The following PDE7A variants were observed in gnomAD, a reference collection of about 807,000 sequenced individuals.
PDE7A encodes the protein phosphodiesterase 7A.
In PDE7A, 39 loss-of-function variants were observed where a neutral mutation model predicts 64.3. That is an observed-to-expected ratio of 0.61 (90% CI 0.47 to 0.79). The LOEUF (loss-of-function observed/expected upper bound fraction) is 0.79. Among genes scored for constraint, PDE7A ranks in the 30% least tolerant of loss-of-function variants. The probability of loss-of-function intolerance (pLI) is 0.00; values close to 1 mark genes in which losing one functional copy is unlikely to be tolerated. For missense variants in PDE7A, 470 were observed against 582.8 expected (o/e 0.81, Z 1.99); for synonymous variants, 203 against 206.8 (o/e 0.98, Z 0.16).
chr8:65,763,010 TG>T (rs1808588173), intron 3 of PDE7A, among the ~76,000 whole-genome samples: 1 of 147,012 alleles, frequency 6.8e-6, no homozygotes, highest in Non-Finnish European at 1.5e-5. Flanking sequence ...TGTGTGTGTG[TG>T]TGTGTGTGTG....
chr8:65,764,573 A>C (rs1808674069), intron 3 of PDE7A, among the ~76,000 whole-genome samples: 1 of 152,234 alleles, frequency 6.6e-6, no homozygotes, highest in South Asian at 2.1e-4. Flanking sequence ...CTATTTGTAC[A>C]CCTAAAGAAA....
intron 1 of PDE7A, among the ~76,000 whole-genome samples, chr8:65,810,781 C>T (rs1810242015): frequency 6.6e-6 from 1 of 152,080 alleles, no homozygotes; most frequent in African/African-American, 2.4e-5. Context: ...AAGAAACAAT[C>T]ATTCCCAATA....
intron 7 of PDE7A, chr8:65,727,607 T>A (rs1376739547): frequency 4.4e-6 from 1 of 227,884 alleles, no homozygotes; most frequent in Non-Finnish European, 8.5e-6. Flanking sequence ...ACCGTTCTTT[T>A]TGAGAAATAA....
rs555278314 is a variant in PDE7A, at chr8:65,730,111, C to T, written c.697-2810G>A. 4.8e-5 allele frequency among the ~76,000 whole-genome samples: 7 copies of T among 146,428 alleles called. No individual in the cohort carries two copies. The South Asian group carries it at 1.1e-3, about 23-fold the overall frequency. On this transcript the variant is annotated intron_variant, in intron 7 of 12. Transcript: ENST00000401827. ...AGCTCTGCCTTGGAAGCAGTAGCTT[C>T]TCATAGGAGCACAAACCCTATTGTA...
intron 1 of PDE7A, among the ~76,000 whole-genome samples, chr8:65,832,939 C>T (rs183919941): frequency 2.0e-5 from 3 of 152,234 alleles, no homozygotes; most frequent in Admixed American, 2.0e-4. Context: ...GAAGAGAGTA[C>T]ACAGGCTTTA....
At chr8:65,836,573 G>A (rs7460955) in intron 1 of PDE7A, among the ~76,000 whole-genome samples, 3 of 152,098 alleles carry the variant, frequency 2.0e-5, no homozygotes, top group Admixed American at 2.0e-4. Flanking sequence ...CATGCATGAA[G>A]GTATTTATTA....
intron 3 of PDE7A, among the ~76,000 whole-genome samples, chr8:65,769,496 G>A (rs1304541755): frequency 1.3e-5 from 2 of 152,264 alleles, no homozygotes; most frequent in Non-Finnish European, 2.9e-5. Flanking sequence ...TCTATCTTGT[G>A]TAACCACGAA....
In PDE7A at chr8:65,745,558, G is replaced by C. The variant is rs964016333; in HGVS notation, c.436-88C>G. 5 of 727,286 alleles carry C rather than the reference G, an allele frequency of 6.9e-6. No homozygotes were observed. The African/African-American group carries it at 9.0e-5, about 13-fold the overall frequency. The allele number at this position is 727,286 out of a possible 1,614,324, so 45.1% of individuals were successfully genotyped here. ...ATTCCATAGAGAAGTTAAAGAAAAT[G>C]TAAAGTGATTGATTTACTTTAAAAA... On this transcript the variant is annotated intron_variant, in intron 4 of 12. Transcript: ENST00000401827.
At chr8:65,755,289 G>A (rs1808172239) in intron 3 of PDE7A, among the ~76,000 whole-genome samples, 1 of 152,086 alleles carries the variant, frequency 6.6e-6, no homozygotes, top group African/African-American at 2.4e-5. Context: ...CCAAAGTGCT[G>A]GGATTACAGG....
At chr8:65,757,288 A>G (rs541502340) in intron 3 of PDE7A, among the ~76,000 whole-genome samples, 1 of 152,362 alleles carries the variant, frequency 6.6e-6, no homozygotes, top group South Asian at 2.1e-4. Flanking sequence ...CATTACAACA[A>G]AAGACTGTAA....
At chr8:65,800,961 A>C (rs1809971766) in intron 1 of PDE7A, among the ~76,000 whole-genome samples, 1 of 152,200 alleles carries the variant, frequency 6.6e-6, no homozygotes, top group Non-Finnish European at 1.5e-5. Flanking sequence ...TTCGAGTCTA[A>C]AACAGACACG....
intron 1 of PDE7A, among the ~76,000 whole-genome samples, chr8:65,820,547 G>C (rs1034422600): frequency 3.9e-5 from 6 of 152,268 alleles, no homozygotes; most frequent in African/African-American, 1.2e-4. Flanking sequence ...CAAACTTTCA[G>C]TAATGTTGTT....
At chr8:65,742,929 G>A (rs16932325) in intron 5 of PDE7A, among the ~76,000 whole-genome samples, 3,206 of 152,314 alleles carry the variant, frequency 0.021, 39 homozygotes, top group South Asian at 0.037. Flanking sequence ...AAAGGAAAGC[G>A]AAGTGCTTAG....
Position 65,816,476 on chromosome 8 carries a change from A to G in PDE7A, c.138+24895T>C, listed in dbSNP as rs116256295. On this transcript the variant is annotated intron_variant, in intron 1 of 12. Transcript: ENST00000401827. ...TTTCTTCCTGTGGATTTGAGTTTCC[A>G]TCTGGTGTCATTTCCTATCAACCTA... 5.9e-3 allele frequency among the ~76,000 whole-genome samples: 893 copies of G among 152,320 alleles called. 9 individuals carry two copies. Among genetic ancestry groups the G allele is most frequent in the African/African-American group, 0.02 (845 of 41,554 alleles).
Position 65,739,574 on chromosome 8 carries a change from A to T in PDE7A, c.523T>A (p.Phe175Ile), listed in dbSNP as rs377027022. 3.9e-6 allele frequency: 6 copies of T among 1,553,438 alleles called. No individual in the cohort carries two copies. Among genetic ancestry groups the T allele is most frequent in the Non-Finnish European group, 5.2e-6 (6 of 1,155,770 alleles). Residue 175 changes from phenylalanine to isoleucine, a missense_variant, in exon 6 of 13, where the codon TTT becomes ATT. Phe to Ile is a conservative substitution (Grantham distance 21, BLOSUM62 0). Transcript: ENST00000401827. ...AATCCATGAAGACTAAATAAATGAAAGGTTAAGCTTACTAGACTATTTCCT... is the reference window on the plus strand; with the variant it reads ...AATCCATGAAGACTAAATAAATGAATGGTTAAGCTTACTAGACTATTTCCT... ...TNGNSLVSLT[F>I]HLFSLHGLIE...
chr8:65,811,094 AG>A (rs1810250137), intron 1 of PDE7A, among the ~76,000 whole-genome samples: 1 of 152,230 alleles, frequency 6.6e-6, no homozygotes, highest in South Asian at 2.1e-4. Flanking sequence ...AGACTGGAAT[AG>A]GAACATTCAG....
intron 1 of PDE7A, among the ~76,000 whole-genome samples, chr8:65,840,584 A>C (rs1336588577): frequency 6.6e-6 from 1 of 152,262 alleles, no homozygotes; most frequent in Non-Finnish European, 1.5e-5. Context: ...AGATGTAAAC[A>C]AAATTCTTTT....
At chr8:65,809,465 A>T (rs1016781379) in intron 1 of PDE7A, among the ~76,000 whole-genome samples, 3 of 152,204 alleles carry the variant, frequency 2.0e-5, no homozygotes, top group Non-Finnish European at 4.4e-5. Context: ...TCAACAGATT[A>T]GCATTACCAC....
At chr8:65,810,975 A>G (rs1190315072) in intron 1 of PDE7A, among the ~76,000 whole-genome samples, 1 of 152,218 alleles carries the variant, frequency 6.6e-6, no homozygotes, top group East Asian at 1.9e-4. Context: ...AAACATAATG[A>G]GGGAAAAAAT....
Sources: gnomAD v4.1 joint callset for allele counts (sites outside exome capture counted in the v4.1 genomes callset) on GRCh38, gnomAD v4.1.1 for gene constraint, MANE v1.5 for transcripts, NCBI Gene and HGNC (gene_info 2026-07-23, HGNC 2026-07-21) for gene names.